Variants in OBI1 observed in about 807,000 individuals in gnomAD.
OBI1 encodes the protein ring finger protein 219.
A neutral mutation model predicts 62.4 loss-of-function variants in OBI1; 59 were observed. The ratio of observed to expected loss-of-function variants is 0.95; its 90% confidence interval spans 0.77 to 1.17. OBI1 has a LOEUF of 1.17. OBI1 is among the 50% of genes most tolerant of loss of function. The pLI, the probability that OBI1 is intolerant of heterozygous loss-of-function variation, is 0.00. For missense variants in OBI1, 875 were observed against 830.9 expected (o/e 1.05, Z -0.65); for synonymous variants, 302 against 292.8 (o/e 1.03, Z -0.32).
intron 1 of OBI1, among the ~76,000 whole-genome samples, chr13:78,646,306 C>G (rs1434758634): frequency 6.6e-6 from 1 of 152,166 alleles, no homozygotes; most frequent in Non-Finnish European, 1.5e-5. Context: ...CATAACTAAA[C>G]CTTTAGTGCC....
chr13:78,655,494 T>C (rs977777831), intron 1 of OBI1, among the ~76,000 whole-genome samples: 2 of 152,176 alleles, frequency 1.3e-5, no homozygotes, highest in African/African-American at 4.8e-5. Flanking sequence ...AAAATTCACC[T>C]TTAAAACTGA....
chr13:78,638,693 G>T, intron 4 of OBI1, 130 bp downstream of exon 4: 1 of 800,584 alleles, frequency 1.2e-6, no homozygotes, highest in Non-Finnish European at 1.9e-6. Flanking sequence ...GCATATAAAT[G>T]CTCATCCAGA....
intron 5 of OBI1, among the ~76,000 whole-genome samples, chr13:78,634,717 T>C (rs561843469): frequency 8.6e-4 from 131 of 152,248 alleles, no homozygotes; most frequent in Non-Finnish European, 1.6e-3. Flanking sequence ...TTACAGGTTG[T>C]TGTATCTTGC....
chr13:78,615,730 T>C lies in OBI1; in HGVS notation c.2031A>G (p.Ser677=). ...GGTGGTTATGAAGACTGTGCATCTCTGAGGACATCTTAAACAAAGATGACC... is the reference window on the plus strand; with the variant it reads ...GGTGGTTATGAAGACTGTGCATCTCCGAGGACATCTTAAACAAAGATGACC... The part of the protein sequence containing the change: ...RFGSSLFKMS[S]EMHSLHNHLQ... Residue 677 remains serine, a synonymous_variant, in exon 6 of 6, where the codon TCA becomes TCG. Transcript: ENST00000282003. 4 of 1,614,156 alleles carry C rather than the reference T, an allele frequency of 2.5e-6. No homozygotes were observed. The highest frequency in any genetic ancestry group is 3.4e-6 in the Non-Finnish European group (4 of 1,179,984).
intron 1 of OBI1, among the ~76,000 whole-genome samples, chr13:78,651,904 A>G (rs1463865307): frequency 1.3e-5 from 2 of 152,194 alleles, no homozygotes; most frequent in Admixed American, 6.5e-5. Flanking sequence ...AGGCTGAGAT[A>G]ACAATCCTAA....
chr13:78,620,714 A>T (rs1181737807), intron 5 of OBI1: 1 of 454,644 alleles, frequency 2.2e-6, no homozygotes, highest in Non-Finnish European at 4.4e-6. Context: ...TCCTATTGGT[A>T]TGACCTTTGA....
chr13:78,649,813 G>T (rs1486886311), intron 1 of OBI1, among the ~76,000 whole-genome samples: 1 of 152,176 alleles, frequency 6.6e-6, no homozygotes, highest in Non-Finnish European at 1.5e-5. Context: ...AAAATAGGGG[G>T]TGTGTGAACA....
At chr13:78,635,999 G>A (rs1243342806) in intron 4 of OBI1, among the ~76,000 whole-genome samples, 1 of 152,140 alleles carries the variant, frequency 6.6e-6, no homozygotes, top group African/African-American at 2.4e-5. Context: ...TTGGCCTCAA[G>A]TGATCCACCT....
chr13:78,652,467 C>T (rs1242349308), intron 1 of OBI1, among the ~76,000 whole-genome samples: 2 of 151,458 alleles, frequency 1.3e-5, no homozygotes, highest in African/African-American at 2.4e-5. Flanking sequence ...AAATGAGACC[C>T]GTGGCAATAA....
intron 3 of OBI1, among the ~76,000 whole-genome samples, chr13:78,640,552 A>T (rs1466666326): frequency 6.6e-6 from 1 of 152,156 alleles, no homozygotes; most frequent in Non-Finnish European, 1.5e-5. Flanking sequence ...TAATCCCAGC[A>T]CTTCGGGAGG....
At chr13:78,617,866 AAG>A (rs1875365826) in intron 5 of OBI1, among the ~76,000 whole-genome samples, 1 of 152,174 alleles carries the variant, frequency 6.6e-6, no homozygotes, top group South Asian at 2.1e-4. Context: ...CACTTTCTGA[AAG>A]AGAACATTTT....
At position 78,639,084 on chromosome 13, in the gene OBI1, T is replaced by C. The variant is rs1876124365; in HGVS notation, c.301-13A>G. 1 of 1,609,416 alleles carries C rather than the reference T, an allele frequency of 6.2e-7. No individual in the cohort carries two copies. Among genetic ancestry groups the C allele is most frequent in the Non-Finnish European group, 8.5e-7 (1 of 1,177,896 alleles). On this transcript the variant is annotated splice_polypyrimidine_tract_variant and intron_variant, in intron 3 of 5. Coordinates refer to ENST00000282003, the MANE Select transcript of OBI1 (RefSeq NM_024546.4). ...AATCTATTTCGTCCTGAAAAAGCAT[T>C]GCATAGTCATGAGGCAGGCATAGAC... is the stretch of plus-strand genomic sequence containing the variant.
At position 78,649,650 on chromosome 13, in the gene OBI1, G is replaced by A. The variant is rs140043881; in HGVS notation, c.73-4653C>T. The stretch of plus-strand genomic sequence containing the variant: ...GGAATACCAATGGGAATGATAAAGA[G>A]AGGATATTAGTGATGGATGAAGAGT... On this transcript the variant is annotated intron_variant, in intron 1 of 5. Coordinates refer to ENST00000282003, the MANE Select transcript of OBI1 (RefSeq NM_024546.4). 5.2e-3 allele frequency among the ~76,000 whole-genome samples: 791 copies of A among 152,330 alleles called. 4 individuals are homozygous for A. The highest frequency in any genetic ancestry group is 0.034 in the Middle Eastern group (10 of 294).
At position 78,616,574 on chromosome 13, in the gene OBI1, C is replaced by CT. The variant is rs1875297746; in HGVS notation, c.1186dup (p.Ser396LysfsTer11). The CT allele has an allele frequency of 6.2e-7, 1 of 1,614,144 alleles. No individual in the cohort carries two copies. Among genetic ancestry groups the CT allele is most frequent in the Non-Finnish European group, 8.5e-7 (1 of 1,180,034 alleles). ...TTCTGGAGTACTGAGCTGAAGGCAA[C>CT]TAAGGGACAAAGGAGTACAAGGAGC... On this transcript the variant is annotated frameshift_variant, in exon 6 of 6. Transcript: ENST00000282003. LOFTEE classifies it high-confidence loss of function.
In OBI1 at chr13:78,645,339, G is replaced by A. The variant is rs573960260; in HGVS notation, c.73-342C>T. Among the ~76,000 whole-genome samples, 16 of 152,168 alleles carry A rather than the reference G, an allele frequency of 1.1e-4. 1 individual carries two copies. Among genetic ancestry groups the A allele is most frequent in the Non-Finnish European group, 2.2e-4 (15 of 68,030 alleles). On this transcript the variant is annotated intron_variant, in intron 1 of 5. Coordinates refer to ENST00000282003, the MANE Select transcript of OBI1 (RefSeq NM_024546.4). ...CAAACTCTTCTATTTTAGCATTATA[G>A]AACAGCAGGATTAGGTTTTTGAAAA... is the stretch of plus-strand genomic sequence containing the variant.
At position 78,616,176 on chromosome 13, in the gene OBI1, A is replaced by G; in HGVS notation, c.1585T>C (p.Ser529Pro). The change falls in exon 6 of 6, where the codon TCG becomes CCG. Residue 529 changes from serine to proline, a missense_variant. Ser to Pro is a moderately conservative substitution (Grantham distance 74). Coordinates refer to ENST00000282003, the MANE Select transcript of OBI1 (RefSeq NM_024546.4). ...TTGTCAAGGTAAGCAGCATCCATCG[A>G]TGCTTCACTGGATGTTCTTGTCCGG... The part of the protein sequence containing the change: ...MNRTRTSSEA[S>P]MDAAYLDKIS... 6.2e-7 allele frequency: 1 copy of G among 1,614,108 alleles called. No individual in the cohort carries two copies. Among genetic ancestry groups the G allele is most frequent in the South Asian group, 1.1e-5 (1 of 91,078 alleles).
intron 5 of OBI1, chr13:78,620,561 A>G (rs1316558640): frequency 6.6e-6 from 3 of 454,846 alleles, no homozygotes; most frequent in South Asian, 4.7e-5. Context: ...AGAATCTAAC[A>G]GAAGCTTAAA....
chr13:78,632,803 T>G (rs1875893334), intron 5 of OBI1, among the ~76,000 whole-genome samples: 1 of 152,178 alleles, frequency 6.6e-6, no homozygotes, highest in Non-Finnish European at 1.5e-5. Flanking sequence ...AATACCTCAA[T>G]GCATTGCAAA....
chr13:78,650,994 G>C (rs1391026145), intron 1 of OBI1, among the ~76,000 whole-genome samples: 1 of 152,032 alleles, frequency 6.6e-6, no homozygotes, highest in Non-Finnish European at 1.5e-5. Flanking sequence ...TATACATTAA[G>C]TCTAAGAAGC....
Sources: allele counts gnomAD v4.1 joint callset (sites outside exome capture counted in the v4.1 genomes callset), GRCh38; gene constraint gnomAD v4.1.1; transcripts MANE v1.5; gene names NCBI Gene and HGNC (gene_info 2026-07-23, HGNC 2026-07-21).